NBEA: variants seen among roughly 807,000 people sequenced by gnomAD.
NBEA encodes the protein neurobeachin.
Under a neutral mutation model 343.4 loss-of-function variants are expected in NBEA, and 44 were observed. The observed-to-expected ratio is 0.13, with a 90% confidence interval of 0.10 to 0.16. NBEA has a LOEUF of 0.16. Among genes scored for constraint, NBEA ranks in the 10% least tolerant of loss-of-function variants. NBEA has a pLI of 1.00. For synonymous variants in NBEA, 1,175 were observed against 1,238.7 expected, an observed-to-expected ratio of 0.95 and a Z score of 1.08; for missense variants, 2,555 against 3,631.3, an observed-to-expected ratio of 0.70 and a Z score of 7.62.
chr13:34,953,789 C>A (rs2059413923), intron 1 of NBEA, among the ~76,000 whole-genome samples: 1 of 152,184 alleles, frequency 6.6e-6, no homozygotes, highest in South Asian at 2.1e-4. Flanking sequence ...GGGCCACGGA[C>A]CTGTTAGGAA....
chr13:35,670,441 C>G (rs1372286719), intron 58 of NBEA, among the ~76,000 whole-genome samples: 1 of 152,168 alleles, frequency 6.6e-6, no homozygotes, highest in East Asian at 1.9e-4. Flanking sequence ...CAGAATGAGA[C>G]GTCGTTGCCT....
intron 16 of NBEA, among the ~76,000 whole-genome samples, chr13:35,123,018 C>T (rs1050893993): frequency 2.0e-5 from 3 of 152,116 alleles, no homozygotes; most frequent in African/African-American, 4.8e-5. Flanking sequence ...GGTTAGGGTG[C>T]AGGTGGCTCA....
At chr13:35,326,617 G>A (rs916028073) in intron 36 of NBEA, among the ~76,000 whole-genome samples, 2 of 151,770 alleles carry the variant, frequency 1.3e-5, no homozygotes, top group African/African-American at 2.4e-5. Context: ...TTCTATTTTG[G>A]TGCCTTTTAT....
rs577238505 is a variant in NBEA, at chr13:34,956,101, A to G, written c.294+12987A>G. 1.6e-4 allele frequency among the ~76,000 whole-genome samples: 24 copies of G among 152,352 alleles called. No individual in the cohort carries two copies. In the South Asian group the frequency reaches 4.8e-3, roughly 30 times the overall value. The stretch of plus-strand genomic sequence containing the variant: ...TGTGCACATGGTAGGCATTTAATAA[A>G]TATCAAATGAATGAAGTACAAAAAT... On this transcript the variant is annotated intron_variant, in intron 1 of 58. Coordinates refer to ENST00000379939, the MANE Select transcript of NBEA (RefSeq NM_001385012.1).
At chr13:35,378,201 T>C (rs2041844346) in intron 38 of NBEA, among the ~76,000 whole-genome samples, 1 of 152,178 alleles carries the variant, frequency 6.6e-6, no homozygotes. Context: ...TTCCTCACAT[T>C]TCAAATATCT....
chr13:35,479,920 A>C (rs1185220555), intron 41 of NBEA, among the ~76,000 whole-genome samples: 1 of 152,098 alleles, frequency 6.6e-6, no homozygotes, highest in Non-Finnish European at 1.5e-5. Context: ...GAAGGAAAAA[A>C]ATCTCAAGAA....
At chr13:35,585,200 T>A (rs1181985583) in intron 46 of NBEA, among the ~76,000 whole-genome samples, 1 of 140,354 alleles carries the variant, frequency 7.1e-6, no homozygotes, top group South Asian at 2.5e-4. Context: ...CCCTGCACAG[T>A]CAGATTCCTG....
At chr13:35,290,531 G>T in intron 35 of NBEA, 81 bp downstream of exon 35, 1 of 893,374 alleles carries the variant, frequency 1.1e-6, no homozygotes, top group Non-Finnish European at 1.8e-6. Context: ...GCATATATAT[G>T]TGTATGTTTA....
chr13:35,330,739 A>G (rs2038875560), intron 36 of NBEA, among the ~76,000 whole-genome samples: 1 of 152,026 alleles, frequency 6.6e-6, no homozygotes, highest in South Asian at 2.1e-4. Context: ...TAATTGATAG[A>G]TTTTATCCGT....
chr13:35,202,048 C>G (rs2073058108), intron 31 of NBEA, among the ~76,000 whole-genome samples: 1 of 152,098 alleles, frequency 6.6e-6, no homozygotes, highest in African/African-American at 2.4e-5. Flanking sequence ...AAGTCCACAC[C>G]TTTCACCAGC....
rs552582223 is a variant in NBEA, at chr13:35,321,883, T to C, written c.5903+12291T>C. Among the ~76,000 whole-genome samples, 12 of 152,306 alleles carry C rather than the reference T, an allele frequency of 7.9e-5. No homozygotes were observed. The South Asian group carries it at 1.9e-3, about 24-fold the overall frequency. ...CGCCCAGTTGAAACTTCCCGGTGGC[T>C]TTGTTTACACTATGCAGGGAAAACC... On this transcript the variant is annotated intron_variant, in intron 36 of 58. Transcript: ENST00000379939.
At chr13:35,214,046 T>C (rs2073932404) in intron 33 of NBEA, among the ~76,000 whole-genome samples, 1 of 152,022 alleles carries the variant, frequency 6.6e-6, no homozygotes, top group Non-Finnish European at 1.5e-5. Context: ...CCTAATGATC[T>C]GTGATTTATC....
intron 58 of NBEA, among the ~76,000 whole-genome samples, chr13:35,669,705 C>T (rs982064569): frequency 6.6e-6 from 1 of 152,182 alleles, no homozygotes; most frequent in African/African-American, 2.4e-5. Flanking sequence ...TATTCTTACT[C>T]GTTCGTGTAT....
intron 10 of NBEA, among the ~76,000 whole-genome samples, chr13:35,092,870 A>G (rs117073093): frequency 0.046 from 6,954 of 152,128 alleles, 236 homozygotes; most frequent in Non-Finnish European, 0.067. Flanking sequence ...ATGAATGGAA[A>G]TCATGTCCAC....
chr13:35,445,167 AG>A (rs1403262610), intron 39 of NBEA, among the ~76,000 whole-genome samples: 1 of 152,114 alleles, frequency 6.6e-6, no homozygotes, highest in Non-Finnish European at 1.5e-5. Flanking sequence ...CTTTATCTTG[AG>A]TTTTTTAATC....
At chr13:35,620,130 C>T (rs1380269440) in intron 48 of NBEA, among the ~76,000 whole-genome samples, 2 of 151,934 alleles carry the variant, frequency 1.3e-5, no homozygotes, top group Non-Finnish European at 2.9e-5. Context: ...TTGAGTGTTC[C>T]GGGTGATGTT....
At chr13:35,586,888 G>A (rs1006414726) in intron 46 of NBEA, among the ~76,000 whole-genome samples, 1 of 152,214 alleles carries the variant, frequency 6.6e-6, no homozygotes, top group Non-Finnish European at 1.5e-5. Flanking sequence ...TGCAGTTTCA[G>A]CCACAAGTCA....
intron 41 of NBEA, among the ~76,000 whole-genome samples, chr13:35,516,154 A>G (rs555903110): frequency 2.0e-5 from 3 of 152,328 alleles, no homozygotes; most frequent in East Asian, 1.9e-4. Flanking sequence ...TATGTATCCA[A>G]TGGAGATACT....
chr13:35,584,883 C>T (rs2081225771), intron 46 of NBEA, among the ~76,000 whole-genome samples: 1 of 151,822 alleles, frequency 6.6e-6, no homozygotes, highest in African/African-American at 2.4e-5. Context: ...AGGTGATCCT[C>T]CTGCCTTACC....
Sources: gnomAD v4.1 joint callset for allele counts (sites outside exome capture counted in the v4.1 genomes callset) on GRCh38, gnomAD v4.1.1 for gene constraint, MANE v1.5 for transcripts, NCBI Gene and HGNC (gene_info 2026-07-23, HGNC 2026-07-21) for gene names.